The following PRKCB variants were observed in gnomAD, a reference collection of about 807,000 sequenced individuals.
PRKCB encodes the protein protein kinase C beta type.
In PRKCB, 13 loss-of-function variants were observed where a neutral mutation model predicts 81.5. The ratio of observed to expected loss-of-function variants is 0.16; its 90% CI spans 0.10 to 0.25. The LOEUF is 0.25. PRKCB is among the 10% of genes least tolerant of loss of function. The pLI, the probability that PRKCB is intolerant of heterozygous loss-of-function variation, is 1.00. For missense variants in PRKCB, 509 were observed against 875.7 expected (o/e 0.58, Z 5.29); for synonymous variants, 335 against 321.4 (o/e 1.04, Z -0.45).
At chr16:24,130,449 T>C (rs1174780965) in intron 9 of PRKCB, among the ~76,000 whole-genome samples, 1 of 152,070 alleles carries the variant, frequency 6.6e-6, no homozygotes, top group Non-Finnish European at 1.5e-5. Context: ...TCTCAGAATG[T>C]CTCTTTGTTC....
chr16:23,936,531 GCTT>G (rs536011559), intron 2 of PRKCB, among the ~76,000 whole-genome samples: 94 of 150,456 alleles, frequency 6.2e-4, no homozygotes, highest in African/African-American at 2.3e-3. Flanking sequence ...TCCCACCTCA[GCTT>G]CCTGCGTAGG....
chr16:24,123,158 G>A (rs559299477), intron 8 of PRKCB, among the ~76,000 whole-genome samples: 1 of 152,338 alleles, frequency 6.6e-6, no homozygotes, highest in Admixed American at 6.5e-5. Flanking sequence ...AGTGCAGACA[G>A]AGAGAATCGA....
chr16:24,189,143 A>G (rs1211194934), intron 15 of PRKCB, among the ~76,000 whole-genome samples: 2 of 151,986 alleles, frequency 1.3e-5, no homozygotes, highest in Non-Finnish European at 2.9e-5. Flanking sequence ...ATGCACTCCC[A>G]TTTTTCTTAA....
chr16:23,847,363 TC>T (rs1962389622), intron 2 of PRKCB, among the ~76,000 whole-genome samples: 1 of 8,738 alleles, frequency 1.1e-4, no homozygotes, highest in African/African-American at 1.1e-3. Context: ...TATCTATCTA[TC>T]TATCTATCTA....
At chr16:24,070,509 A>G (rs1015422558) in intron 5 of PRKCB, among the ~76,000 whole-genome samples, 1 of 152,234 alleles carries the variant, frequency 6.6e-6, no homozygotes, top group Non-Finnish European at 1.5e-5. Context: ...TGAAATATAT[A>G]GAAAATAGTA....
intron 2 of PRKCB, among the ~76,000 whole-genome samples, chr16:23,883,538 C>T (rs1286471966): frequency 6.6e-6 from 1 of 152,160 alleles, no homozygotes; most frequent in African/African-American, 2.4e-5. Context: ...ATTTAACACA[C>T]CTTCCATTGG....
At chr16:23,977,153 G>T (rs1567331964) in intron 2 of PRKCB, among the ~76,000 whole-genome samples, 1 of 152,164 alleles carries the variant, frequency 6.6e-6, no homozygotes, top group Non-Finnish European at 1.5e-5. Context: ...AACTTTAAGA[G>T]TTTCCCATAA....
At chr16:24,161,521 A>G (rs1967257529) in intron 10 of PRKCB, among the ~76,000 whole-genome samples, 1 of 152,196 alleles carries the variant, frequency 6.6e-6, no homozygotes, top group African/African-American at 2.4e-5. Flanking sequence ...GTTTTTTTTA[A>G]TGTACCACAA....
At chr16:23,866,487 C>T (rs1217002263) in intron 2 of PRKCB, among the ~76,000 whole-genome samples, 1 of 152,136 alleles carries the variant, frequency 6.6e-6, no homozygotes, top group Non-Finnish European at 1.5e-5. Flanking sequence ...TCTACCTTCC[C>T]CAGAAGCCTA....
chr16:24,156,158 A>G (rs1047842887), intron 10 of PRKCB, among the ~76,000 whole-genome samples: 2 of 152,176 alleles, frequency 1.3e-5, no homozygotes, highest in Non-Finnish European at 1.5e-5. Flanking sequence ...CCTATTACTT[A>G]GTTCCCTAGT....
At chr16:24,155,606 G>A (rs974973765) in intron 10 of PRKCB, among the ~76,000 whole-genome samples, 9 of 152,064 alleles carry the variant, frequency 5.9e-5, no homozygotes, top group African/African-American at 1.9e-4. Context: ...AGATGTTTTG[G>A]GGACTTTTCA....
chr16:24,181,014 G>T (rs985285112), intron 13 of PRKCB, 86 bp downstream of exon 13: 13 of 1,517,516 alleles, frequency 8.6e-6, no homozygotes, highest in Middle Eastern at 2.1e-4. Flanking sequence ...AAGGGTTGAG[G>T]GTGGTACCTT....
chr16:23,933,783 C>CATCT (rs1964014085), intron 2 of PRKCB, among the ~76,000 whole-genome samples: 1 of 149,002 alleles, frequency 6.7e-6, no homozygotes, highest in Non-Finnish European at 1.5e-5. Context: ...TCCATCCATC[C>CATCT]ATCCATCCAT....
At chr16:23,887,884 A>G (rs910679569) in intron 2 of PRKCB, among the ~76,000 whole-genome samples, 4 of 152,182 alleles carry the variant, frequency 2.6e-5, no homozygotes, top group Admixed American at 2.0e-4. Flanking sequence ...AGTGGCCAGC[A>G]GGCAGAATGC....
chr16:23,920,206 G>A (rs1963804023), intron 2 of PRKCB, among the ~76,000 whole-genome samples: 1 of 152,106 alleles, frequency 6.6e-6, no homozygotes, highest in African/African-American at 2.4e-5. Context: ...GGTATGAGGT[G>A]GTATCTCATT....
intron 2 of PRKCB, among the ~76,000 whole-genome samples, chr16:23,911,128 CTTTTTTT>C (rs567904157): frequency 4.1e-4 from 13 of 31,558 alleles, no homozygotes; most frequent in South Asian, 3.6e-3. Context: ...CGTATATATG[CTTTTTTT>C]TTTTTTTTTT....
intron 16 of PRKCB, among the ~76,000 whole-genome samples, chr16:24,207,610 A>G (rs1406837049): frequency 6.6e-6 from 1 of 152,230 alleles, no homozygotes; most frequent in Non-Finnish European, 1.5e-5. Context: ...GCATGGTAAT[A>G]CATCAAATAG....
rs1963535598 is a variant in PRKCB at position 23,905,026 on chromosome 16, T to C, written c.205+67620T>C. On this transcript the variant is annotated intron_variant, in intron 2 of 16. Coordinates refer to ENST00000643927, the MANE Select transcript of PRKCB (RefSeq NM_002738.7). ...TGTTTTCTACATTTCTTTCTTTGCA[T>C]TGGTCCTTTTTTTTTCTTTTTTTTT... Among the ~76,000 whole-genome samples the C allele has an allele frequency of 2.7e-5, 4 of 149,280 alleles. No homozygotes were observed. In the South Asian group the frequency reaches 6.3e-4, roughly 23 times the overall value.
intron 2 of PRKCB, among the ~76,000 whole-genome samples, chr16:23,882,938 G>A (rs890306089): frequency 2.0e-5 from 3 of 152,116 alleles, no homozygotes; most frequent in African/African-American, 7.2e-5. Context: ...TGGAATTGCT[G>A]ATGGTAGAAA....
Sources: gnomAD v4.1 joint callset for allele counts (sites outside exome capture counted in the v4.1 genomes callset) on GRCh38, gnomAD v4.1.1 for gene constraint, MANE v1.5 for transcripts, NCBI Gene and HGNC (gene_info 2026-07-23, HGNC 2026-07-21) for gene names.